The following LRCH2 variants were observed in gnomAD, a reference collection of about 807,000 sequenced individuals.
LRCH2 encodes the protein leucine-rich repeat and calponin homology domain-containing protein 2.
LRCH2 carries 38 observed loss-of-function variants against 68.9 expected under a neutral mutation model. That is an observed-to-expected ratio of 0.55 (90% CI 0.43 to 0.72). The LOEUF is 0.72. Among genes scored for constraint, LRCH2 ranks in the 30% least tolerant of loss-of-function variants. The pLI, the probability that LRCH2 is intolerant of heterozygous loss-of-function variation, is 0.00. For synonymous variants in LRCH2, 191 were observed against 208.1 expected, an observed-to-expected ratio of 0.92 and a Z score of 0.71; for missense variants, 528 against 572.9, an observed-to-expected ratio of 0.92 and a Z score of 0.80.
At chrX:115,147,601 T>C (rs1370271953) in intron 14 of LRCH2, among the ~76,000 whole-genome samples, 1 of 111,618 alleles carries the variant, frequency 9.0e-6, no homozygotes, top group Non-Finnish European at 1.9e-5. Context: ...ACTAATATTA[T>C]AGAAGATGTT....
chrX:115,146,015 T>C (rs1410270126), intron 14 of LRCH2, among the ~76,000 whole-genome samples: 1 of 111,969 alleles, frequency 8.9e-6, no homozygotes, highest in Admixed American at 9.5e-5. Flanking sequence ...CTATTCACAA[T>C]AGCCAAGATT....
At chrX:115,178,727 G>A (rs1425542209) in intron 5 of LRCH2, among the ~76,000 whole-genome samples, 1 of 111,772 alleles carries the variant, frequency 8.9e-6, no homozygotes, top group Non-Finnish European at 1.9e-5. Flanking sequence ...ATGTACTTTT[G>A]TAGGAAGAAA....
At chrX:115,189,829 G>C (rs1569515585) in intron 1 of LRCH2, 1 of 1,167,213 alleles carries the variant, frequency 8.6e-7, no homozygotes, top group Non-Finnish European at 1.1e-6. Context: ...GCCTGATGAC[G>C]GCCGCGGCTA....
chrX:115,149,920 T>C lies in LRCH2; in HGVS notation c.1602A>G (p.Gln534=), dbSNP rs1569513426. ...TWQPLENQKD[Q]IDEQPWPESH... is the part of the protein sequence containing the mutation. ...ATTCTGGCCACGGTTGTTCATCTAT[T>C]TGATCCTTCTGATTTTCTAAGGGCT... is the stretch of plus-strand genomic sequence containing the variant. The change falls in exon 14 of 21, where the codon CAA becomes CAG. Residue 534 remains glutamine (Q), a synonymous_variant. Transcript: ENST00000317135. 7.5e-6 allele frequency: 9 copies of C among 1,200,085 alleles called. No homozygotes were observed. The South Asian group carries it at 1.5e-4, about 19-fold the overall frequency.
intron 1 of LRCH2, among the ~76,000 whole-genome samples, chrX:115,194,903 C>T (rs1268935418): frequency 1.8e-5 from 2 of 111,336 alleles, no homozygotes; most frequent in African/African-American, 6.5e-5. Context: ...ACCGAGACAT[C>T]TGAGAGAGAC....
In LRCH2 at chrX:115,110,932, T is replaced by C. The variant is rs2072038384; in HGVS notation, c.*2284A>G. The stretch of plus-strand genomic sequence containing the variant: ...ATTTTGGGGGCCTAATAAAATATTT[T>C]TGATTATTCAACTGTCATTAAATCA... On this transcript the variant is annotated 3_prime_UTR_variant, in exon 21 of 21. Coordinates refer to ENST00000317135, the MANE Select transcript of LRCH2 (RefSeq NM_020871.4). 1 of 112,061 alleles carries C rather than the reference T, an allele frequency of 8.9e-6. No individual in the cohort carries two copies. 9.2% of individuals were successfully genotyped at this position (112,061 alleles called of 1,213,427 possible). A position where few individuals can be genotyped will look rare whatever the true frequency, so the allele number is the denominator to read the frequency against.
chrX:115,156,451 C>T (rs1401105273), intron 12 of LRCH2, 151 bp downstream of exon 12: 2 of 329,807 alleles, frequency 6.1e-6, no homozygotes, highest in Non-Finnish European at 1.0e-5. Flanking sequence ...GTAAATTTAA[C>T]TCATGTTCTA....
At chrX:115,180,629 T>C (rs1159327834) in intron 3 of LRCH2, among the ~76,000 whole-genome samples, 1 of 111,269 alleles carries the variant, frequency 9.0e-6, no homozygotes, top group Non-Finnish European at 1.9e-5. Flanking sequence ...ATTTCCAACT[T>C]TTAGTGAAAA....
chrX:115,218,661 G>T (rs782169325), intron 1 of LRCH2, among the ~76,000 whole-genome samples: 7 of 111,947 alleles, frequency 6.3e-5, no homozygotes, highest in Non-Finnish European at 1.1e-4. Context: ...CTGTTTCATC[G>T]CTTTCTGCAA....
At chrX:115,158,405 A>T (rs945408386) in intron 11 of LRCH2, among the ~76,000 whole-genome samples, 4 of 111,962 alleles carry the variant, frequency 3.6e-5, no homozygotes, top group Non-Finnish European at 7.5e-5. Context: ...AGATCCACCT[A>T]ATTAGTTATA....
chrX:115,202,630 A>G (rs781844925), intron 1 of LRCH2, among the ~76,000 whole-genome samples: 13 of 112,421 alleles, frequency 1.2e-4, no homozygotes, highest in Admixed American at 5.7e-4. Context: ...ATTTACTCAA[A>G]TAAGTTCAAA....
intron 10 of LRCH2, among the ~76,000 whole-genome samples, chrX:115,164,904 A>T (rs782221310): frequency 9.0e-6 from 1 of 111,274 alleles, no homozygotes; most frequent in East Asian, 2.8e-4. Context: ...ATTTTATAAG[A>T]TGAATGGTTC....
chrX:115,185,905 G>C (rs2072727862), intron 2 of LRCH2, among the ~76,000 whole-genome samples: 2 of 111,489 alleles, frequency 1.8e-5, no homozygotes, highest in Non-Finnish European at 3.8e-5. Flanking sequence ...AAAAAGGGGG[G>C]TAGTATATAG....
intron 1 of LRCH2, chrX:115,189,947 G>A (rs2072772375): frequency 8.6e-7 from 1 of 1,159,717 alleles, no homozygotes; most frequent in African/African-American, 1.8e-5. Flanking sequence ...ACGCCGTCGA[G>A]CCTGGCTCAC....
chrX:115,184,542 A>G lies in LRCH2; in HGVS notation c.495-5T>C. On this transcript the variant is annotated splice_polypyrimidine_tract_variant and splice_region_variant and intron_variant, in intron 2 of 20. Coordinates refer to ENST00000317135, the MANE Select transcript of LRCH2 (RefSeq NM_020871.4). ...AATGTTGATAAAAGATTTCGGCTGA[A>G]AAGAATGAGAAAGTTTCATTACGAG... 1 of 1,136,552 alleles carries G rather than the reference A, an allele frequency of 8.8e-7. No homozygotes were observed. The highest frequency in any genetic ancestry group is 2.3e-5 in the South Asian group (1 of 44,261). 93.7% of individuals were successfully genotyped at this position (1,136,552 alleles called of 1,213,427 possible).
intron 14 of LRCH2, among the ~76,000 whole-genome samples, chrX:115,136,583 A>G (rs1556532094): frequency 9.0e-6 from 1 of 110,966 alleles, no homozygotes; most frequent in Non-Finnish European, 1.9e-5. Context: ...TCCCATTTCT[A>G]AACACTAATT....
At chrX:115,184,869 T>C (rs1191139986) in intron 2 of LRCH2, among the ~76,000 whole-genome samples, 1 of 111,870 alleles carries the variant, frequency 8.9e-6, no homozygotes, top group Non-Finnish European at 1.9e-5. Context: ...ATGATACTAC[T>C]CCACACACCA....
intron 1 of LRCH2, chrX:115,190,092 C>T (rs782075900): frequency 1.7e-4 from 198 of 1,153,345 alleles, no homozygotes; most frequent in Non-Finnish European, 2.2e-4. Context: ...CTCGCATTGG[C>T]GGCAGTGGAA....
intron 6 of LRCH2, among the ~76,000 whole-genome samples, chrX:115,169,016 C>G (rs1176814730): frequency 1.8e-5 from 2 of 112,087 alleles, no homozygotes; most frequent in Admixed American, 9.5e-5. Flanking sequence ...TTTGAACACA[C>G]AAAGTTCCTT....
Sources: allele counts gnomAD v4.1 joint callset (sites outside exome capture counted in the v4.1 genomes callset), GRCh38; gene constraint gnomAD v4.1.1; transcripts MANE v1.5; gene names NCBI Gene and HGNC (gene_info 2026-07-23, HGNC 2026-07-21).